DAB1: variants seen among roughly 807,000 people sequenced by gnomAD.
DAB1 encodes the protein disabled homolog 1.
A neutral mutation model predicts 64.6 loss-of-function variants in DAB1; 15 were observed. The ratio of observed to expected loss-of-function variants is 0.23; its 90% CI spans 0.16 to 0.36. The LOEUF (loss-of-function observed/expected upper bound fraction) is 0.36, where lower values mean the gene tolerates loss of function less well. DAB1 is among the 10% of genes least tolerant of loss of function. The pLI, the probability that DAB1 is intolerant of heterozygous loss-of-function variation, is 1.00. For synonymous variants in DAB1, 235 were observed against 251.9 expected (o/e 0.93, Z 0.64); for missense variants, 596 against 706.7 (o/e 0.84, Z 1.78).
At chr1:57,711,057 G>A (rs1363726606) in intron 6 of DAB1, among the ~76,000 whole-genome samples, 2 of 152,194 alleles carry the variant, frequency 1.3e-5, no homozygotes, top group Non-Finnish European at 2.9e-5. Context: ...AGGAGTAATT[G>A]TAGAAGTTAC....
At chr1:57,707,105 C>CA (rs1401127233) in intron 6 of DAB1, among the ~76,000 whole-genome samples, 3 of 151,604 alleles carry the variant, frequency 2.0e-5, no homozygotes, top group Non-Finnish European at 4.4e-5. Context: ...AAAAACCCCC[C>CA]AAAAAACAGA....
intron 3 of DAB1, chr1:58,415,472 G>A (rs1185269038): frequency 1.2e-5 from 3 of 244,054 alleles, no homozygotes; most frequent in Non-Finnish European, 2.0e-5. Context: ...TGCCCTTGGG[G>A]ATACATGCAT....
intron 14 of DAB1, among the ~76,000 whole-genome samples, chr1:56,999,080 T>C (rs1645744983): frequency 6.6e-6 from 1 of 152,192 alleles, no homozygotes; most frequent in South Asian, 2.1e-4. Context: ...CCATATTTGA[T>C]ATATTAGCTT....
At chr1:57,094,531 G>C (rs1192477405) in intron 4 of DAB1, among the ~76,000 whole-genome samples, 1 of 152,188 alleles carries the variant, frequency 6.6e-6, no homozygotes, top group Non-Finnish European at 1.5e-5. Context: ...GCGAAGGGGG[G>C]ATTTGGGGAT....
At chr1:58,246,080 C>A (rs1223719531) in intron 4 of DAB1, among the ~76,000 whole-genome samples, 2 of 151,816 alleles carry the variant, frequency 1.3e-5, no homozygotes, top group Non-Finnish European at 2.9e-5. Context: ...ATTTTATACA[C>A]TTCCGTATCG....
chr1:58,294,912 GTGTT>G (rs1265217957), intron 4 of DAB1, among the ~76,000 whole-genome samples: 1 of 145,656 alleles, frequency 6.9e-6, no homozygotes, highest in African/African-American at 2.5e-5. Context: ...GTTTGCAAGT[GTGTT>G]TGAGTGCATA....
intron 1 of DAB1, among the ~76,000 whole-genome samples, chr1:57,344,422 C>T (rs1246549697): frequency 1.3e-5 from 2 of 152,056 alleles, no homozygotes; most frequent in Admixed American, 1.3e-4. Flanking sequence ...TTTGCATTTG[C>T]TGCTTGTGAA....
At chr1:58,268,157 G>A (rs1039982996) in intron 4 of DAB1, among the ~76,000 whole-genome samples, 1 of 152,042 alleles carries the variant, frequency 6.6e-6, no homozygotes, top group African/African-American at 2.4e-5. Context: ...TAAATTTGGT[G>A]ATAATATATA....
intron 4 of DAB1, among the ~76,000 whole-genome samples, chr1:58,156,025 T>G (rs1237772907): frequency 6.6e-6 from 1 of 152,244 alleles, no homozygotes; most frequent in Non-Finnish European, 1.5e-5. Context: ...TTTCTGACTT[T>G]GTTAAAAGTG....
At chr1:58,448,562 G>C (rs957203145) in intron 3 of DAB1, among the ~76,000 whole-genome samples, 12 of 152,166 alleles carry the variant, frequency 7.9e-5, no homozygotes, top group Non-Finnish European at 1.5e-4. Flanking sequence ...GTTCCAAGAT[G>C]GGGGGCTGGC....
chr1:57,152,130 A>G (rs545740), intron 2 of DAB1, among the ~76,000 whole-genome samples: 39,503 of 152,086 alleles, frequency 0.26, 6,690 homozygotes, highest in Middle Eastern at 0.46. Flanking sequence ...CTAATCTTTA[A>G]AAGGGATCTC....
chr1:57,326,180 C>T (rs1676141390), intron 1 of DAB1, among the ~76,000 whole-genome samples: 1 of 152,174 alleles, frequency 6.6e-6, no homozygotes, highest in South Asian at 2.1e-4. Flanking sequence ...CAGATCTTTC[C>T]ATAATTTCCT....
intron 6 of DAB1, among the ~76,000 whole-genome samples, chr1:57,658,215 T>C (rs1646340564): frequency 6.6e-6 from 1 of 152,206 alleles, no homozygotes; most frequent in African/African-American, 2.4e-5. Flanking sequence ...CCAGAACTTC[T>C]TCTACCCCTG....
chr1:57,401,039 A>G (rs946758049), intron 1 of DAB1, among the ~76,000 whole-genome samples: 5 of 151,600 alleles, frequency 3.3e-5, no homozygotes, highest in Non-Finnish European at 5.9e-5. Flanking sequence ...CAAAAAGGCC[A>G]TATTTTGACA....
chr1:58,287,748 G>A lies in DAB1; in HGVS notation n.309+55604C>T, dbSNP rs189379348. 1.6e-3 allele frequency among the ~76,000 whole-genome samples: 247 copies of A among 152,236 alleles called. 2 individuals are homozygous for A. Among genetic ancestry groups the A allele is most frequent in the African/African-American group, 5.4e-3 (223 of 41,558 alleles). ...TCAAAAGGAGTAGCAAAGTCCAGGCGTGGTGGCTCATGCCTGTAATCCCAA... is the reference window on the plus strand; with the variant it reads ...TCAAAAGGAGTAGCAAAGTCCAGGCATGGTGGCTCATGCCTGTAATCCCAA... On this transcript the variant is annotated intron_variant and non_coding_transcript_variant, in intron 4 of 20. Transcript: ENST00000485760.
intron 6 of DAB1, among the ~76,000 whole-genome samples, chr1:57,776,991 A>G (rs1649831566): frequency 6.6e-6 from 1 of 151,640 alleles, no homozygotes; most frequent in Non-Finnish European, 1.5e-5. Flanking sequence ...TGTATTCTGT[A>G]CTTTTGGCAA....
chr1:58,396,573 A>T (rs1276217838), intron 3 of DAB1, among the ~76,000 whole-genome samples: 1 of 152,034 alleles, frequency 6.6e-6, no homozygotes, highest in African/African-American at 2.4e-5. Context: ...ACACAGAGAT[A>T]TGCAAGGAGG....
chr1:58,161,637 G>A, intron 4 of DAB1, among the ~76,000 whole-genome samples: 1 of 152,022 alleles, frequency 6.6e-6, no homozygotes, highest in East Asian at 1.9e-4. Flanking sequence ...ATGTTTTAAA[G>A]ACATATATGT....
chr1:58,317,994 G>C (rs1569636809), intron 4 of DAB1, among the ~76,000 whole-genome samples: 1 of 152,276 alleles, frequency 6.6e-6, no homozygotes, highest in East Asian at 1.9e-4. Context: ...GCAGAGAGTA[G>C]GTTCCCAATA....
Sources: allele counts gnomAD v4.1 joint callset (sites outside exome capture counted in the v4.1 genomes callset), GRCh38; gene constraint gnomAD v4.1.1; transcripts MANE v1.5; gene names NCBI Gene and HGNC (gene_info 2026-07-23, HGNC 2026-07-21).